Variants in SH3BGR observed in about 807,000 individuals in gnomAD.
The protein encoded by SH3BGR is SH3 domain-binding glutamic acid-rich protein.
In SH3BGR, 29 loss-of-function variants were observed where a neutral mutation model predicts 24.5. That is an observed-to-expected ratio of 1.18 (90% CI 0.88 to 1.61). The LOEUF is 1.61. Among genes scored for constraint, SH3BGR ranks in the 40% most tolerant of loss-of-function variants. SH3BGR has a pLI of 0.00. For missense variants in SH3BGR, 162 were observed against 205.8 expected (o/e 0.79, Z 1.30); for synonymous variants, 55 against 65.7 (o/e 0.84, Z 0.79).
upstream of SH3BGR, among the ~76,000 whole-genome samples, chr21:39,451,420 T>G (rs768766784): frequency 6.6e-6 from 1 of 152,176 alleles, no homozygotes; most frequent in Non-Finnish European, 1.5e-5. Context: ...CAGTTTCTGT[T>G]CTTTAGGAGA....
Position 39,484,194 on chromosome 21 carries a change from C to T in SH3BGR, c.312+8979C>T, listed in dbSNP as rs564047787. Among the ~76,000 whole-genome samples, 5 of 152,284 alleles carry T rather than the reference C, an allele frequency of 3.3e-5. No individual in the cohort carries two copies. The East Asian group carries it at 7.7e-4, about 24-fold the overall frequency. ...GATTTACATTTCACAAAGCCTCTGACTCAGACAGCAACACAGAAGATTGTT... is the reference window on the plus strand; with the variant it reads ...GATTTACATTTCACAAAGCCTCTGATTCAGACAGCAACACAGAAGATTGTT... On this transcript the variant is annotated intron_variant, in intron 3 of 6. Transcript: ENST00000333634.
chr21:39,453,711 C>G (rs952589843), intron 1 of SH3BGR, among the ~76,000 whole-genome samples: 6 of 152,174 alleles, frequency 3.9e-5, no homozygotes, highest in African/African-American at 1.4e-4. Context: ...CCACTTGTAA[C>G]TGTATGACCT....
intron 3 of SH3BGR, among the ~76,000 whole-genome samples, chr21:39,479,609 G>T (rs775201467): frequency 5.9e-5 from 9 of 152,134 alleles, no homozygotes; most frequent in Non-Finnish European, 1.2e-4. Flanking sequence ...TAGACCCCTT[G>T]TTTTCAGTAT....
chr21:39,485,840 A>G (rs1461953743), intron 3 of SH3BGR, among the ~76,000 whole-genome samples: 1 of 151,922 alleles, frequency 6.6e-6, no homozygotes, highest in Admixed American at 6.6e-5. Context: ...GGCGCCCGCC[A>G]CCACGCCCGG....
chr21:39,483,605 G>T (rs2078165001), intron 3 of SH3BGR, among the ~76,000 whole-genome samples: 1 of 152,222 alleles, frequency 6.6e-6, no homozygotes, highest in African/African-American at 2.4e-5. Flanking sequence ...TTGGGGGCAA[G>T]ATTTTTAACG....
At chr21:39,512,998 G>A (rs184798825) in intron 6 of SH3BGR, among the ~76,000 whole-genome samples, 2 of 152,028 alleles carry the variant, frequency 1.3e-5, no homozygotes, top group Non-Finnish European at 1.5e-5. Context: ...AGCTATAAGC[G>A]TTTTTTAAAA....
At chr21:39,497,215 G>A in intron 3 of SH3BGR, among the ~76,000 whole-genome samples, 1 of 150,408 alleles carries the variant, frequency 6.6e-6, no homozygotes, top group Non-Finnish European at 1.5e-5. Context: ...ATATAGGATA[G>A]TGTAGAAACA....
intron 4 of SH3BGR, among the ~76,000 whole-genome samples, chr21:39,507,521 C>T (rs569791337): frequency 2.5e-4 from 38 of 152,054 alleles, no homozygotes; most frequent in African/African-American, 8.4e-4. Context: ...TTAATAGAGA[C>T]GGGGTTTTTC....
At chr21:39,507,163 GAAA>G (rs2078597330) in intron 4 of SH3BGR, among the ~76,000 whole-genome samples, 1 of 152,162 alleles carries the variant, frequency 6.6e-6, no homozygotes, top group Admixed American at 6.5e-5. Context: ...TCCCAGTGCT[GAAA>G]AAGTCCTCTT....
intron 3 of SH3BGR, chr21:39,488,750 G>C: frequency 2.2e-6 from 1 of 447,390 alleles, no homozygotes; most frequent in Non-Finnish European, 4.6e-6. Flanking sequence ...CATGAGGACA[G>C]CAATGGTTGT....
chr21:39,501,138 G>A (rs553968576), intron 4 of SH3BGR, among the ~76,000 whole-genome samples: 25 of 152,280 alleles, frequency 1.6e-4, no homozygotes, highest in African/African-American at 5.8e-4. Context: ...TTTGAACTTT[G>A]CATGAGTTGC....
At chr21:39,504,782 C>A (rs1007011599) in intron 4 of SH3BGR, among the ~76,000 whole-genome samples, 2 of 152,126 alleles carry the variant, frequency 1.3e-5, no homozygotes, top group African/African-American at 4.8e-5. Flanking sequence ...CTGCCTAATT[C>A]CAGTATTTTA....
At chr21:39,459,525 T>C (rs2077720211) in intron 1 of SH3BGR, among the ~76,000 whole-genome samples, 1 of 148,948 alleles carries the variant, frequency 6.7e-6, no homozygotes. Context: ...GCCTGGGCCT[T>C]TTTCTTTCTT....
upstream of SH3BGR, chr21:39,451,833 G>C: frequency 6.6e-7 from 1 of 1,518,798 alleles, no homozygotes; most frequent in Non-Finnish European, 9.0e-7. Flanking sequence ...TCCAGTGGCT[G>C]CTTTTATCGA....
chr21:39,493,932 G>A (rs916601864), intron 3 of SH3BGR, among the ~76,000 whole-genome samples: 10 of 152,080 alleles, frequency 6.6e-5, no homozygotes, highest in African/African-American at 2.4e-4. Flanking sequence ...TGGTGTATAG[G>A]AGAGCTACTG....
chr21:39,466,876 C>T (rs1339156637), intron 2 of SH3BGR, among the ~76,000 whole-genome samples: 7 of 151,690 alleles, frequency 4.6e-5, no homozygotes, highest in African/African-American at 1.7e-4. Flanking sequence ...ACATTTCTTA[C>T]TTGTCTTTTG....
chr21:39,459,177 T>G (rs1264458803), intron 1 of SH3BGR, among the ~76,000 whole-genome samples: 1 of 151,954 alleles, frequency 6.6e-6, no homozygotes, highest in African/African-American at 2.4e-5. Context: ...TTCTCCTCCT[T>G]CCCTCCCTCT....
At chr21:39,490,794 T>A (rs1485265349) in intron 3 of SH3BGR, among the ~76,000 whole-genome samples, 1 of 151,594 alleles carries the variant, frequency 6.6e-6, no homozygotes, top group African/African-American at 2.4e-5. Context: ...GGTGGCATGA[T>A]CATAGCTCAC....
At chr21:39,447,307 G>A (rs2077504630), upstream of SH3BGR, among the ~76,000 whole-genome samples, 1 of 151,904 alleles carries the variant, frequency 6.6e-6, no homozygotes. Context: ...TTGAAAGGTA[G>A]AGTTTCCTGA....
Sources: gnomAD v4.1 joint callset for allele counts (sites outside exome capture counted in the v4.1 genomes callset) on GRCh38, gnomAD v4.1.1 for gene constraint, MANE v1.5 for transcripts, NCBI Gene and HGNC (gene_info 2026-07-23, HGNC 2026-07-21) for gene names.